UST: variants seen among roughly 807,000 people sequenced by gnomAD.
UST encodes the protein uronyl 2-sulfotransferase.
Under a neutral mutation model 45.6 loss-of-function variants are expected in UST, and 21 were observed. The ratio of observed to expected loss-of-function variants is 0.46; its 90% CI spans 0.33 to 0.66. The LOEUF (loss-of-function observed/expected upper bound fraction) is 0.66. Among genes scored for constraint, UST ranks in the 30% least tolerant of loss-of-function variants. The pLI is 0.02. For synonymous variants in UST, 215 were observed against 200.6 expected, an observed-to-expected ratio of 1.07 and a Z score of -0.61; for missense variants, 463 against 512.4, an observed-to-expected ratio of 0.90 and a Z score of 0.93.
chr6:148,787,006 G>A (rs1776745779), intron 1 of UST, among the ~76,000 whole-genome samples: 1 of 152,126 alleles, frequency 6.6e-6, no homozygotes, highest in African/African-American at 2.4e-5. Context: ...CTGCATGTAT[G>A]TCTTCTTTTG....
At chr6:148,779,552 G>A (rs1484429508) in intron 1 of UST, among the ~76,000 whole-genome samples, 4 of 152,128 alleles carry the variant, frequency 2.6e-5, no homozygotes, top group African/African-American at 2.4e-5. Flanking sequence ...CTCCCACCAC[G>A]CCAGGGAAAT....
chr6:148,909,227 T>G (rs1367940408), intron 2 of UST, among the ~76,000 whole-genome samples: 2 of 152,232 alleles, frequency 1.3e-5, no homozygotes, highest in Non-Finnish European at 2.9e-5. Context: ...TAATTGAACT[T>G]TTTTAAAAGA....
At chr6:149,002,285 AAG>A (rs1781565230) in intron 5 of UST, among the ~76,000 whole-genome samples, 1 of 152,172 alleles carries the variant, frequency 6.6e-6, no homozygotes, top group African/African-American at 2.4e-5. Flanking sequence ...GCAGGAAAAA[AAG>A]AATAGCAAAT....
rs1253059765 is a variant in UST, at chr6:149,076,092, A to G, written c.*1976A>G. On this transcript the variant is annotated 3_prime_UTR_variant, in exon 8 of 8. Transcript: ENST00000367463. Reference sequence around the variant, plus strand: ...CGCTCATGGGCCTTCTTTCTGCCTCAGAGGACGGGGGCAGAGAAGTGATGA... The same window carrying G: ...CGCTCATGGGCCTTCTTTCTGCCTCGGAGGACGGGGGCAGAGAAGTGATGA... The G allele has an allele frequency of 6.5e-6, 1 of 152,718 alleles. No individual in the cohort carries two copies. Among genetic ancestry groups the G allele is most frequent in the African/African-American group, 2.4e-5 (1 of 41,450 alleles). 9.5% of individuals were successfully genotyped at this position (152,718 alleles called of 1,614,324 possible).
At chr6:148,924,284 C>T (rs199519268) in intron 2 of UST, among the ~76,000 whole-genome samples, 11 of 152,294 alleles carry the variant, frequency 7.2e-5, no homozygotes, top group South Asian at 2.1e-4. Flanking sequence ...GACAGCCCCT[C>T]GTCCCTGCCC....
intron 7 of UST, among the ~76,000 whole-genome samples, chr6:149,054,580 CG>C (rs1472418367): frequency 1.3e-5 from 2 of 151,774 alleles, no homozygotes; most frequent in African/African-American, 4.8e-5. Flanking sequence ...CTGCTATTGT[CG>C]GGGGGCAGGC....
At chr6:148,869,277 A>G (rs1178561695) in intron 1 of UST, among the ~76,000 whole-genome samples, 1 of 152,170 alleles carries the variant, frequency 6.6e-6, no homozygotes, top group Non-Finnish European at 1.5e-5. Context: ...TTATCTTCCA[A>G]AATTATAGTT....
intron 5 of UST, among the ~76,000 whole-genome samples, chr6:149,003,811 T>C (rs1370309395): frequency 6.6e-6 from 1 of 151,960 alleles, no homozygotes; most frequent in Non-Finnish European, 1.5e-5. Flanking sequence ...GTTCAGAGAG[T>C]GGAATTAGGG....
Position 148,865,692 on chromosome 6 carries a change from GT to G in UST, c.248-21293del, listed in dbSNP as rs1562281680. ...TGTGTGTGTGTGTGTGTGTGTGTGT[GT>G]GTGTGTGTGTGTGTGTGTGTGAATT... On this transcript the variant is annotated intron_variant, in intron 1 of 7. Coordinates refer to ENST00000367463, the MANE Select transcript of UST (RefSeq NM_005715.3). Among the ~76,000 whole-genome samples the G allele has an allele frequency of 5.1e-3, 771 of 151,364 alleles. 9 individuals carry two copies. The highest frequency in any genetic ancestry group is 0.018 in the African/African-American group (745 of 41,222).
chr6:148,853,498 A>G (rs1340001556), intron 1 of UST, among the ~76,000 whole-genome samples: 6 of 152,174 alleles, frequency 3.9e-5, no homozygotes, highest in Non-Finnish European at 8.8e-5. Context: ...CGCTGGGTCA[A>G]ATGGTATTTC....
intron 1 of UST, among the ~76,000 whole-genome samples, chr6:148,840,228 G>C (rs1777863592): frequency 6.6e-6 from 1 of 152,120 alleles, no homozygotes; most frequent in Non-Finnish European, 1.5e-5. Flanking sequence ...TTTGCATCTG[G>C]GGCTGCACTG....
At chr6:149,019,754 G>A (rs1475114227) in intron 6 of UST, among the ~76,000 whole-genome samples, 1 of 152,158 alleles carries the variant, frequency 6.6e-6, no homozygotes, top group African/African-American at 2.4e-5. Flanking sequence ...ATGATCACCT[G>A]TCAACCTTAC....
intron 1 of UST, among the ~76,000 whole-genome samples, chr6:148,864,829 A>G (rs1351330002): frequency 6.6e-6 from 1 of 152,196 alleles, no homozygotes; most frequent in Non-Finnish European, 1.5e-5. Context: ...GGGCATTGAG[A>G]TGGTTTTCTG....
At chr6:148,780,060 T>C (rs1454574339) in intron 1 of UST, among the ~76,000 whole-genome samples, 1 of 147,548 alleles carries the variant, frequency 6.8e-6, no homozygotes, top group African/African-American at 2.5e-5. Flanking sequence ...GACACATACA[T>C]ATACAAATAC....
chr6:148,782,717 TG>T (rs1776665686), intron 1 of UST, among the ~76,000 whole-genome samples: 1 of 152,142 alleles, frequency 6.6e-6, no homozygotes, highest in Admixed American at 6.5e-5. Flanking sequence ...CCTCCCAAAG[TG>T]CTGGGATTAC....
intron 5 of UST, among the ~76,000 whole-genome samples, chr6:148,968,253 A>G (rs1302448524): frequency 3.3e-5 from 5 of 152,242 alleles, no homozygotes; most frequent in Admixed American, 6.5e-5. Context: ...CAAATATTCA[A>G]GCATCTTATA....
intron 2 of UST, among the ~76,000 whole-genome samples, chr6:148,930,242 T>G (rs995769657): frequency 6.6e-6 from 1 of 152,200 alleles, no homozygotes; most frequent in African/African-American, 2.4e-5. Context: ...CTTGTTAGAT[T>G]GTGAGTTCTT....
Position 148,967,665 on chromosome 6 carries a change from C to T in UST, c.681+3102C>T, listed in dbSNP as rs944382885. On this transcript the variant is annotated intron_variant, in intron 5 of 7. Transcript: ENST00000367463. The stretch of plus-strand genomic sequence containing the variant: ...GAGGAGCCCACTGTCCCCTCCTTGC[C>T]GGCCACCCCTCCCCTCGGAGGCCCT... 4.6e-5 allele frequency among the ~76,000 whole-genome samples: 7 copies of T among 152,168 alleles called. 1 individual carries two copies. In the South Asian group the frequency reaches 6.2e-4, roughly 14 times the overall value.
intron 5 of UST, chr6:148,964,791 T>C: frequency 1.7e-6 from 1 of 581,224 alleles, no homozygotes; most frequent in East Asian, 3.1e-5. Context: ...TTTGCTTTGC[T>C]CAGTTGTCTT....
Sources: gnomAD v4.1 joint callset for allele counts (sites outside exome capture counted in the v4.1 genomes callset) on GRCh38, gnomAD v4.1.1 for gene constraint, MANE v1.5 for transcripts, NCBI Gene and HGNC (gene_info 2026-07-23, HGNC 2026-07-21) for gene names.